Variants in CD58 observed in about 807,000 individuals in gnomAD.
The protein encoded by CD58 is CD58 molecule.
A neutral mutation model predicts 27.6 loss-of-function variants in CD58; 14 were observed. The observed-to-expected ratio is 0.51, with a 90% CI of 0.34 to 0.79. The LOEUF is 0.79. Ranked by LOEUF, CD58 falls within the 30% of genes least tolerant of loss-of-function variation. CD58 has a pLI of 0.02. For missense variants in CD58, 268 were observed against 301.7 expected (o/e 0.89, Z 0.83); for synonymous variants, 117 against 103.8 (o/e 1.13, Z -0.77).
In CD58 at chr1:116,527,928, A is replaced by T. The variant is rs1349350181; in HGVS notation, c.629-5945T>A. Among the ~76,000 whole-genome samples the T allele has an allele frequency of 6.6e-6, 1 of 152,160 alleles. No homozygotes were observed. The highest frequency in any genetic ancestry group is 1.5e-5 in the Non-Finnish European group (1 of 68,016). On this transcript the variant is annotated intron_variant, in intron 3 of 5. Coordinates refer to ENST00000369489, the MANE Select transcript of CD58 (RefSeq NM_001779.3). This position sits in a 1 kb window ranked among gnomAD's most constrained non-coding sequence, Gnocchi z 4.4. ...CAGACACATGCCACAACACCTCAGT[A>T]ACTTTTTAATTTTTAGTAGAGATAG...
In CD58 at chr1:116,528,499, C is replaced by T. The variant is rs1310940729; in HGVS notation, c.629-6516G>A. On this transcript the variant is annotated intron_variant, in intron 3 of 5. Transcript: ENST00000369489. This position sits in a 1 kb window ranked among gnomAD's most constrained non-coding sequence, Gnocchi z 4.4. The stretch of plus-strand genomic sequence containing the variant: ...ATGTTTGTTCTACATAACTTCAGGT[C>T]GGAACTGAACAATGTTTCTTTTATG... Among the ~76,000 whole-genome samples, 2 of 152,148 alleles carry T rather than the reference C, an allele frequency of 1.3e-5. No individual in the cohort carries two copies. The highest frequency in any genetic ancestry group is 2.1e-4 in the South Asian group (1 of 4,830).
In CD58 at chr1:116,570,846, G is replaced by C; in HGVS notation, c.70+57C>G. On this transcript the variant is annotated intron_variant, in intron 1 of 5. Transcript: ENST00000369489. The surrounding 1 kb of genome is among the most constrained non-coding windows in gnomAD (Gnocchi z 6.4). ...CGAGCCCGGCGCGTCCACCCAGCCT[G>C]GGTGCTGCCCAGTACCCGCCGGCCG... The C allele has an allele frequency of 7.1e-7, 1 of 1,405,516 alleles. No homozygotes were observed. Among genetic ancestry groups the C allele is most frequent in the Admixed American group, 2.1e-5 (1 of 47,010 alleles). The allele number at this position is 1,405,516 out of a possible 1,614,324, so 87.1% of individuals were successfully genotyped here. A position where few individuals can be genotyped will look rare whatever the true frequency, so the allele number is the denominator to read the frequency against.
At chr1:116,562,677 G>C (rs1185591974) in intron 1 of CD58, among the ~76,000 whole-genome samples, 4 of 152,198 alleles carry the variant, frequency 2.6e-5, no homozygotes, top group Non-Finnish European at 5.9e-5. Flanking sequence ...AGGCAAGAGA[G>C]AGCGTGTGCA....
At chr1:116,561,937 T>G (rs924315159) in intron 1 of CD58, among the ~76,000 whole-genome samples, 1 of 152,246 alleles carries the variant, frequency 6.6e-6, no homozygotes, top group African/African-American at 2.4e-5. Flanking sequence ...GTGGCTATTA[T>G]TACTTACACT....
Position 116,562,244 on chromosome 1 carries a change from T to C in CD58, c.70+8659A>G, listed in dbSNP as rs192536685. 9.2e-5 allele frequency among the ~76,000 whole-genome samples: 14 copies of C among 152,362 alleles called. No homozygotes were observed. The East Asian group carries it at 2.7e-3, about 29-fold the overall frequency. Reference sequence around the variant, plus strand: ...ATACAAGGAACTTAAAATCTAGTTATGCAGATAGTTGGCAATAAAGGATCT... The same window carrying C: ...ATACAAGGAACTTAAAATCTAGTTACGCAGATAGTTGGCAATAAAGGATCT... On this transcript the variant is annotated intron_variant, in intron 1 of 5. Transcript: ENST00000369489.
chr1:116,564,084 C>A (rs897837419), intron 1 of CD58, among the ~76,000 whole-genome samples: 1 of 152,236 alleles, frequency 6.6e-6, no homozygotes, highest in African/African-American at 2.4e-5. Context: ...ACCAAGCCAC[C>A]TCTTGAATGC....
chr1:116,532,959 G>A lies in CD58; in HGVS notation c.628+3006C>T, dbSNP rs2101171122. On this transcript the variant is annotated intron_variant, in intron 3 of 5. Coordinates refer to ENST00000369489, the MANE Select transcript of CD58 (RefSeq NM_001779.3). The surrounding 1 kb of genome is among the most constrained non-coding windows in gnomAD (Gnocchi z 5.1). ...TCCTACTGCTGCTTGCATTCCGCCG[G>A]CTGGCTGGGTTCCTTGTTGGGATTA... 3 of 1,065,492 alleles carry A rather than the reference G, an allele frequency of 2.8e-6. No individual in the cohort carries two copies. Among genetic ancestry groups the A allele is most frequent in the Admixed American group, 2.0e-5 (1 of 50,178 alleles). 66.0% of individuals were successfully genotyped at this position (1,065,492 alleles called of 1,614,324 possible).
intron 1 of CD58, among the ~76,000 whole-genome samples, chr1:116,549,666 T>C (rs1658323227): frequency 6.6e-6 from 1 of 152,216 alleles, no homozygotes; most frequent in South Asian, 2.1e-4. Flanking sequence ...TATAAGTATT[T>C]TTTCAGTCCT....
At chr1:116,544,815 C>T (rs1274726280) in intron 1 of CD58, among the ~76,000 whole-genome samples, 2 of 152,196 alleles carry the variant, frequency 1.3e-5, no homozygotes, top group Non-Finnish European at 2.9e-5. Context: ...GAGCACCAAC[C>T]ATCTGCCAGG....
rs923496556 is a variant in CD58, at chr1:116,531,222, A to G, written c.628+4743T>C. Among the ~76,000 whole-genome samples the G allele has an allele frequency of 1.3e-5, 2 of 152,234 alleles. No individual in the cohort carries two copies. Among genetic ancestry groups the G allele is most frequent in the Non-Finnish European group, 1.5e-5 (1 of 68,034 alleles). ...GTCTTCAAATTCTAATGGCAAACAT[A>G]AAGTTAAACATAAAGTTTTGCAAGG... On this transcript the variant is annotated intron_variant, in intron 3 of 5. Coordinates refer to ENST00000369489, the MANE Select transcript of CD58 (RefSeq NM_001779.3). This position sits in a 1 kb window ranked among gnomAD's most constrained non-coding sequence, Gnocchi z 4.5.
chr1:116,523,308 C>T lies in CD58; in HGVS notation c.629-1325G>A, dbSNP rs545749731. On this transcript the variant is annotated intron_variant, in intron 3 of 5. Coordinates refer to ENST00000369489, the MANE Select transcript of CD58 (RefSeq NM_001779.3). The surrounding 1 kb of genome is among the most constrained non-coding windows in gnomAD (Gnocchi z 4.4). ...CTATTGAAAATCCAAAATCAGAGTA[C>T]ACAATGCACTGCTAAAGGATTGGGG... 1.3e-5 allele frequency among the ~76,000 whole-genome samples: 2 copies of T among 151,868 alleles called. No individual in the cohort carries two copies. The highest frequency in any genetic ancestry group is 4.2e-4 in the South Asian group (2 of 4,814).
intron 1 of CD58, among the ~76,000 whole-genome samples, chr1:116,553,901 C>T (rs974090089): frequency 6.6e-6 from 1 of 151,982 alleles, no homozygotes; most frequent in Admixed American, 6.6e-5. Context: ...AGAAGAAAGG[C>T]CAGGAGGGGG....
rs1657585743 is a variant in CD58 at position 116,531,068 on chromosome 1, A to C, written c.628+4897T>G. On this transcript the variant is annotated intron_variant, in intron 3 of 5. Transcript: ENST00000369489. This position sits in a 1 kb window ranked among gnomAD's most constrained non-coding sequence, Gnocchi z 4.5. ...ATAAATCACCATTATTTAATAATTA[A>C]AAGAATTTTTTCAAATTAATAGTAC... Among the ~76,000 whole-genome samples, 1 of 152,234 alleles carries C rather than the reference A, an allele frequency of 6.6e-6. No homozygotes were observed. The highest frequency in any genetic ancestry group is 6.5e-5 in the Admixed American group (1 of 15,288).
At position 116,546,304 on chromosome 1, in the gene CD58, G is replaced by A. The variant is rs566119152; in HGVS notation, c.71-1700C>T. On this transcript the variant is annotated intron_variant, in intron 1 of 5. Coordinates refer to ENST00000369489, the MANE Select transcript of CD58 (RefSeq NM_001779.3). The surrounding 1 kb of genome is among the most constrained non-coding windows in gnomAD (Gnocchi z 4.1). ...GGAAATCAAGAACACTGAATGACCA[G>A]TTGTAGACAACTGTGTTAGTAATTT... 3.9e-5 allele frequency among the ~76,000 whole-genome samples: 6 copies of A among 152,354 alleles called. No homozygotes were observed. In the South Asian group the frequency reaches 1.0e-3, roughly 26 times the overall value.
chr1:116,562,484 G>A (rs1443012439), intron 1 of CD58, among the ~76,000 whole-genome samples: 1 of 152,104 alleles, frequency 6.6e-6, no homozygotes, highest in Non-Finnish European at 1.5e-5. Flanking sequence ...CACCACACCT[G>A]GCTAACTTTT....
At chr1:116,551,439 C>T (rs1658386334) in intron 1 of CD58, among the ~76,000 whole-genome samples, 1 of 152,230 alleles carries the variant, frequency 6.6e-6, no homozygotes, top group African/African-American at 2.4e-5. Context: ...TAGCTTCAAA[C>T]TTTTCTCCTG....
chr1:116,566,765 T>G (rs1449403650), intron 1 of CD58, among the ~76,000 whole-genome samples: 1 of 151,220 alleles, frequency 6.6e-6, no homozygotes, highest in Non-Finnish European at 1.5e-5. Context: ...CCTTCTAAAA[T>G]AAAAGAAAAA....
rs2101194123 is a variant in CD58, at chr1:116,546,729, C to A, written c.71-2125G>T. ...TAGAAGAAAGTAGTCAGGAATGGAG[C>A]TAGTGGTGGAGGGAAGTGAGGGTAG... is the stretch of plus-strand genomic sequence containing the variant. On this transcript the variant is annotated intron_variant, in intron 1 of 5. Coordinates refer to ENST00000369489, the MANE Select transcript of CD58 (RefSeq NM_001779.3). This position sits in a 1 kb window ranked among gnomAD's most constrained non-coding sequence, Gnocchi z 4.1. 6.6e-6 allele frequency among the ~76,000 whole-genome samples: 1 copy of A among 152,134 alleles called. No individual in the cohort carries two copies. Among genetic ancestry groups the A allele is most frequent in the Admixed American group, 6.5e-5 (1 of 15,274 alleles).
At chr1:116,543,301 G>A (rs545740472) in intron 2 of CD58, among the ~76,000 whole-genome samples, 12 of 152,214 alleles carry the variant, frequency 7.9e-5, no homozygotes, top group South Asian at 2.1e-4. Context: ...GACAGGGCAT[G>A]GTGGTCAGAG....
Sources: gnomAD v4.1 joint callset for allele counts (sites outside exome capture counted in the v4.1 genomes callset) on GRCh38, gnomAD v4.1.1 for gene constraint, Gnocchi (gnomAD v3.1) non-coding constraint, MANE v1.5 for transcripts, NCBI Gene and HGNC (gene_info 2026-07-23, HGNC 2026-07-21) for gene names.